The following SH3TC1 variants were observed in gnomAD, a reference collection of about 807,000 sequenced individuals.
SH3TC1 encodes the protein SH3 domain and tetratricopeptide repeats 1, also known as SH3 domain and tetratricopeptide repeat-containing protein 1.
Under a neutral mutation model 117.3 loss-of-function variants are expected in SH3TC1, and 135 were observed. The ratio of observed to expected loss-of-function variants is 1.15; its 90% CI spans 1.00 to 1.33. The LOEUF (loss-of-function observed/expected upper bound fraction) is 1.33, where lower values mean the gene tolerates loss of function less well. Ranked by LOEUF, SH3TC1 falls within the 40% of genes most tolerant of loss-of-function variation. SH3TC1 has a pLI of 0.00. For missense variants in SH3TC1, 2,092 were observed against 1,794.3 expected, an observed-to-expected ratio of 1.17 and a Z score of -3.00; for synonymous variants, 898 against 816.9, an observed-to-expected ratio of 1.10 and a Z score of -1.69.
chr4:8,239,882 C>T (rs1722181910), intron 17 of SH3TC1, among the ~76,000 whole-genome samples: 1 of 152,224 alleles, frequency 6.6e-6, no homozygotes, highest in South Asian at 2.1e-4. Flanking sequence ...TTCGGTGGGG[C>T]TGGGGGGCGT....
At chr4:8,216,297 C>A in intron 6 of SH3TC1, 40 bp downstream of exon 6, 2 of 1,597,092 alleles carry the variant, frequency 1.3e-6, no homozygotes, top group Non-Finnish European at 1.7e-6. Context: ...TCCAGCTGTG[C>A]GGGGCACTCC....
At chr4:8,228,924 C>A (rs1720855924) in intron 12 of SH3TC1, among the ~76,000 whole-genome samples, 4 of 152,224 alleles carry the variant, frequency 2.6e-5, no homozygotes, top group African/African-American at 9.6e-5. Flanking sequence ...GAAGTCTGGG[C>A]AACGGGCGGT....
chr4:8,203,481 C>T (rs1717971841), intron 1 of SH3TC1, among the ~76,000 whole-genome samples: 1 of 152,072 alleles, frequency 6.6e-6, no homozygotes, highest in African/African-American at 2.4e-5. Flanking sequence ...TCTGGGTTTT[C>T]AGGCTCAGAG....
intron 9 of SH3TC1, among the ~76,000 whole-genome samples, chr4:8,222,243 G>T (rs1719985650): frequency 6.6e-6 from 1 of 152,026 alleles, no homozygotes; most frequent in Non-Finnish European, 1.5e-5. Flanking sequence ...GGGCTTTGAA[G>T]GCTGCCTAGG....
At position 8,205,756 on chromosome 4, in the gene SH3TC1, A is replaced by C. The variant is rs191223268; in HGVS notation, c.172+390A>C. On this transcript the variant is annotated intron_variant, in intron 2 of 17. Transcript: ENST00000245105. This position sits in a 1 kb window ranked among gnomAD's most constrained non-coding sequence, Gnocchi z 5.4. ...GTTCTCCAGGAGGCACCCAAGGTGC[A>C]GAGAGGGAAGGGCCGGGCCAGGCCA... is the stretch of plus-strand genomic sequence containing the variant. The C allele has an allele frequency of 6.0e-6, 4 of 671,124 alleles. No individual in the cohort carries two copies. The highest frequency in any genetic ancestry group is 1.1e-5 in the Non-Finnish European group (4 of 364,142). 41.6% of individuals were successfully genotyped at this position (671,124 alleles called of 1,614,324 possible). A position where few individuals can be genotyped will look rare whatever the true frequency, so the allele number is the denominator to read the frequency against.
chr4:8,210,402 CT>C lies in SH3TC1; in HGVS notation c.247+584del, dbSNP rs1718559067. Among the ~76,000 whole-genome samples the C allele has an allele frequency of 6.6e-6, 1 of 152,258 alleles. No individual in the cohort carries two copies. The highest frequency in any genetic ancestry group is 1.5e-5 in the Non-Finnish European group (1 of 68,046). ...GATGCCCGACTGTCCTTTGACTTTC[CT>C]TTTGTGTGGTCAGCACTGCTGGTGG... On this transcript the variant is annotated intron_variant, in intron 3 of 17. Transcript: ENST00000245105. The surrounding 1 kb of genome is among the most constrained non-coding windows in gnomAD (Gnocchi z 4.1).
At chr4:8,226,441 T>A (rs1431536359) in intron 11 of SH3TC1, among the ~76,000 whole-genome samples, 6 of 152,214 alleles carry the variant, frequency 3.9e-5, no homozygotes, top group Non-Finnish European at 5.9e-5. Flanking sequence ...GGCTACAACA[T>A]CCCTGTCCTC....
Position 8,241,036 on chromosome 4 carries a change from T to C in SH3TC1, c.*81T>C. 1 of 1,556,962 alleles carries C rather than the reference T, an allele frequency of 6.4e-7. No homozygotes were observed. The highest frequency in any genetic ancestry group is 8.6e-7 in the Non-Finnish European group (1 of 1,156,084). ...CTGGTGTCGCCGGTGGCTCATTTTC[T>C]GGCAAATGGAGGCACGAACGCAGGG... On this transcript the variant is annotated 3_prime_UTR_variant, in exon 18 of 18. Coordinates refer to ENST00000245105, the MANE Select transcript of SH3TC1 (RefSeq NM_018986.5).
intron 13 of SH3TC1, chr4:8,233,105 G>T (rs1237123067): frequency 6.0e-6 from 8 of 1,327,832 alleles, no homozygotes; most frequent in Non-Finnish European, 7.7e-6. Flanking sequence ...TGGGACGCGG[G>T]GGAGATGGAC....
chr4:8,223,996 A>G (rs910712699), intron 10 of SH3TC1, among the ~76,000 whole-genome samples: 2 of 151,964 alleles, frequency 1.3e-5, no homozygotes, highest in Non-Finnish European at 2.9e-5. Context: ...ACACACAAAT[A>G]CGCATGTAAA....
chr4:8,232,629 C>T (rs1721346735), intron 13 of SH3TC1: 2 of 1,313,624 alleles, frequency 1.5e-6, no homozygotes, highest in Admixed American at 2.2e-5. Flanking sequence ...GTCTCACATC[C>T]CACATGTGGC....
At chr4:8,194,545 T>C (rs1303717741), upstream of SH3TC1, among the ~76,000 whole-genome samples, 2 of 152,162 alleles carry the variant, frequency 1.3e-5, no homozygotes, top group African/African-American at 4.8e-5. Context: ...GTTTTCTCTC[T>C]AACTCTAACA....
At chr4:8,218,045 C>T (rs1719470208) in intron 7 of SH3TC1, among the ~76,000 whole-genome samples, 1 of 152,086 alleles carries the variant, frequency 6.6e-6, no homozygotes, top group Non-Finnish European at 1.5e-5. Context: ...GGGCCCTAGG[C>T]TGAGGGGTGC....
rs143364943 is a variant in SH3TC1, at chr4:8,208,645, G to A, written c.173-1103G>A. On this transcript the variant is annotated intron_variant, in intron 2 of 17. Transcript: ENST00000245105. ...TGGGATAACAGGCGTGAGCCACTGC[G>A]CCCGGCCCATTTGAGACATTTCTGA... 2.3e-4 allele frequency among the ~76,000 whole-genome samples: 35 copies of A among 152,312 alleles called. No individual in the cohort carries two copies. In the South Asian group the frequency reaches 3.9e-3, roughly 17 times the overall value.
At chr4:8,240,147 C>G (rs1039914523) in intron 17 of SH3TC1, among the ~76,000 whole-genome samples, 5 of 152,142 alleles carry the variant, frequency 3.3e-5, no homozygotes, top group African/African-American at 1.2e-4. Flanking sequence ...AGTGGCATCC[C>G]AACCCAGGGA....
At chr4:8,191,983 AT>A (rs1203056874) in intron 1 of SH3TC1, among the ~76,000 whole-genome samples, 2 of 125,842 alleles carry the variant, frequency 1.6e-5, no homozygotes, top group African/African-American at 2.9e-5. Context: ...TTATTTATTT[AT>A]TTATTTATTT....
At chr4:8,182,586 G>T (rs903275520) in intron 1 of SH3TC1, among the ~76,000 whole-genome samples, 4 of 152,168 alleles carry the variant, frequency 2.6e-5, no homozygotes, top group Admixed American at 2.6e-4. Flanking sequence ...GTGGCCAGGG[G>T]TTCTGATCCC....
At chr4:8,223,299 G>C (rs1720123721) in intron 10 of SH3TC1, among the ~76,000 whole-genome samples, 1 of 152,252 alleles carries the variant, frequency 6.6e-6, no homozygotes, top group East Asian at 1.9e-4. Context: ...AGCCCTGAGG[G>C]CTCCTGTTTG....
intron 1 of SH3TC1, among the ~76,000 whole-genome samples, chr4:8,193,951 G>A (rs971931111): frequency 6.6e-6 from 1 of 152,218 alleles, no homozygotes; most frequent in Non-Finnish European, 1.5e-5. Flanking sequence ...GCCTTCCTAT[G>A]ACTGCAGCTG....
Sources: allele counts gnomAD v4.1 joint callset (sites outside exome capture counted in the v4.1 genomes callset), GRCh38; gene constraint gnomAD v4.1.1; non-coding constraint Gnocchi (gnomAD v3.1); transcripts MANE v1.5; gene names NCBI Gene and HGNC (gene_info 2026-07-23, HGNC 2026-07-21).